SGCD: variants seen among roughly 807,000 people sequenced by gnomAD.
SGCD encodes the protein delta-sarcoglycan.
Under a neutral mutation model 36.6 loss-of-function variants are expected in SGCD, and 18 were observed. That is an observed-to-expected ratio of 0.49 (90% confidence interval 0.34 to 0.73). The LOEUF is 0.73. Among genes scored for constraint, SGCD ranks in the 30% least tolerant of loss-of-function variants. SGCD has a pLI of 0.01. For synonymous variants in SGCD, 133 were observed against 130.6 expected (o/e 1.02, Z -0.12); for missense variants, 387 against 346.7 (o/e 1.12, Z -0.92).
At chr5:156,202,840 CT>C (rs1204137197) in intron 3 of SGCD, among the ~76,000 whole-genome samples, 6 of 150,682 alleles carry the variant, frequency 4.0e-5, no homozygotes, top group African/African-American at 1.5e-4. Flanking sequence ...GGGAGGTACC[CT>C]GTTTCTGTAT....
chr5:156,248,406 G>A (rs1335207681), intron 3 of SGCD, among the ~76,000 whole-genome samples: 1 of 152,132 alleles, frequency 6.6e-6, no homozygotes, highest in Non-Finnish European at 1.5e-5. Flanking sequence ...TGTAATTCCA[G>A]CTACTCAGGA....
chr5:155,823,062 ATATCTATCTATCTATCTATCTATC>A, the SGCD span, among the ~76,000 whole-genome samples: 6 of 145,282 alleles, frequency 4.1e-5, no homozygotes, highest in South Asian at 2.3e-4. Context: ...CTATATCTCT[ATATCTATCTATCTATCTATCTATC>A]TATCTATCTA....
chr5:155,779,610 T>G, the SGCD span, among the ~76,000 whole-genome samples: 1 of 152,182 alleles, frequency 6.6e-6, no homozygotes, highest in East Asian at 1.9e-4. Flanking sequence ...TTGACCATCC[T>G]GCACATGTTC....
At chr5:156,527,362 G>T (rs2113078301) in intron 4 of SGCD, among the ~76,000 whole-genome samples, 1 of 152,324 alleles carries the variant, frequency 6.6e-6, no homozygotes, top group African/African-American at 2.4e-5. Flanking sequence ...CATCCCAGGA[G>T]TTTGCTCTTA....
At chr5:156,055,876 C>G (rs142879176) in intron 1 of SGCD, among the ~76,000 whole-genome samples, 1 of 146,202 alleles carries the variant, frequency 6.8e-6, no homozygotes, top group Non-Finnish European at 1.5e-5. Flanking sequence ...GTATTACATG[C>G]TTAGTGGAAT....
intron 1 of SGCD, among the ~76,000 whole-genome samples, chr5:156,035,794 C>T (rs1221730070): frequency 1.3e-5 from 2 of 152,126 alleles, no homozygotes; most frequent in African/African-American, 2.4e-5. Context: ...AACCCATCTT[C>T]ATTCTTGGAA....
intron 3 of SGCD, among the ~76,000 whole-genome samples, chr5:156,346,671 G>C (rs1768959156): frequency 6.6e-6 from 1 of 152,120 alleles, no homozygotes; most frequent in South Asian, 2.1e-4. Context: ...TATATGGTCA[G>C]TTTCCATGGG....
At chr5:156,564,232 A>G (rs1759384434) in intron 4 of SGCD, among the ~76,000 whole-genome samples, 3 of 152,094 alleles carry the variant, frequency 2.0e-5, no homozygotes, top group Non-Finnish European at 4.4e-5. Context: ...GGCTGATCAC[A>G]AGGTCAGGAG....
chr5:155,788,466 A>T, the SGCD span, among the ~76,000 whole-genome samples: 1 of 152,240 alleles, frequency 6.6e-6, no homozygotes, highest in East Asian at 1.9e-4. Context: ...CCAGATTAAG[A>T]TTGTATAATA....
In SGCD at chr5:156,605,662, C is replaced by T. The variant is rs542864125; in HGVS notation, c.502+10611C>T. 4.6e-5 allele frequency among the ~76,000 whole-genome samples: 7 copies of T among 152,326 alleles called. No individual in the cohort carries two copies. In the East Asian group the frequency reaches 1.2e-3, roughly 25 times the overall value. On this transcript the variant is annotated intron_variant, in intron 6 of 8. Transcript: ENST00000337851. ...ATGGTTGAACTAGTTTACAGTCCCA[C>T]CAACAGTGTAAAAGTGTTCCTATTT...
chr5:156,435,638 A>G (rs1753208815), intron 3 of SGCD, among the ~76,000 whole-genome samples: 2 of 152,138 alleles, frequency 1.3e-5, no homozygotes, highest in Admixed American at 6.6e-5. Flanking sequence ...TGATAGGGAG[A>G]TGTAGACTTT....
At chr5:156,601,736 T>C (rs1326946948) in intron 6 of SGCD, among the ~76,000 whole-genome samples, 1 of 152,156 alleles carries the variant, frequency 6.6e-6, no homozygotes, top group Admixed American at 6.5e-5. Flanking sequence ...CATGCTGGAG[T>C]GCAGTGGCGC....
intron 7 of SGCD, among the ~76,000 whole-genome samples, chr5:156,669,578 T>C (rs769807548): frequency 1.3e-5 from 2 of 152,206 alleles, no homozygotes; most frequent in Non-Finnish European, 2.9e-5. Flanking sequence ...TTGCTTTGCA[T>C]GGATAAAGAT....
intron 4 of SGCD, among the ~76,000 whole-genome samples, chr5:156,544,366 A>T (rs1350674508): frequency 1.3e-5 from 2 of 152,188 alleles, no homozygotes; most frequent in African/African-American, 4.8e-5. Context: ...TTATTTGAGA[A>T]CTGCCAGATT....
At chr5:156,616,452 G>T (rs1411143616) in intron 6 of SGCD, among the ~76,000 whole-genome samples, 1 of 152,162 alleles carries the variant, frequency 6.6e-6, no homozygotes, top group Non-Finnish European at 1.5e-5. Context: ...GCAAATACTT[G>T]TTATAGTAGT....
chr5:155,911,408 A>G (rs924127241), intron 1 of SGCD, among the ~76,000 whole-genome samples: 3 of 151,760 alleles, frequency 2.0e-5, no homozygotes, highest in African/African-American at 7.3e-5. Flanking sequence ...AATGGGATGA[A>G]ATCTAAACAT....
At chr5:156,545,747 C>G (rs1337945651) in intron 4 of SGCD, among the ~76,000 whole-genome samples, 2 of 152,136 alleles carry the variant, frequency 1.3e-5, no homozygotes, top group Non-Finnish European at 2.9e-5. Flanking sequence ...GTTGGGAACC[C>G]CTGATCTAGC....
At chr5:156,299,946 T>C (rs898020172) in intron 3 of SGCD, among the ~76,000 whole-genome samples, 20 of 152,270 alleles carry the variant, frequency 1.3e-4, no homozygotes, top group African/African-American at 4.1e-4. Context: ...CTGGTTGCTC[T>C]AGCTAGGACT....
intron 6 of SGCD, among the ~76,000 whole-genome samples, chr5:156,623,964 C>T (rs1014829513): frequency 2.6e-5 from 4 of 152,176 alleles, no homozygotes; most frequent in African/African-American, 9.7e-5. Context: ...TCTGAAGATA[C>T]ATCTCTCTTT....
Sources: allele counts gnomAD v4.1 joint callset (sites outside exome capture counted in the v4.1 genomes callset), GRCh38; gene constraint gnomAD v4.1.1; transcripts MANE v1.5; gene names NCBI Gene and HGNC (gene_info 2026-07-23, HGNC 2026-07-21).